Variants in CNTLN observed in about 807,000 individuals in gnomAD.
CNTLN encodes the protein centlein, centrosomal protein.
A neutral mutation model predicts 180.0 loss-of-function variants in CNTLN; 212 were observed. The observed-to-expected ratio is 1.18, with a 90% CI of 1.05 to 1.32. CNTLN has a LOEUF of 1.32. Ranked by LOEUF, CNTLN falls within the 40% of genes most tolerant of loss-of-function variation. CNTLN has a pLI of 0.00. For synonymous variants in CNTLN, 722 were observed against 563.1 expected (o/e 1.28, Z -3.99); for missense variants, 2,095 against 1,610.9 (o/e 1.30, Z -5.14).
chr9:17,248,641 GA>G (rs1825947271), intron 5 of CNTLN, among the ~76,000 whole-genome samples: 1 of 149,456 alleles, frequency 6.7e-6, no homozygotes, highest in Non-Finnish European at 1.5e-5. Context: ...AATAATAGAA[GA>G]AATGAAGGAC....
intron 13 of CNTLN, among the ~76,000 whole-genome samples, chr9:17,381,327 CT>C (rs1825237225): frequency 6.6e-6 from 1 of 152,206 alleles, no homozygotes; most frequent in Non-Finnish European, 1.5e-5. Context: ...TGGCCAGTGC[CT>C]TTCTGAGCTC....
chr9:17,451,549 A>G (rs1371827265), intron 18 of CNTLN, among the ~76,000 whole-genome samples: 2 of 152,172 alleles, frequency 1.3e-5, no homozygotes, highest in Admixed American at 1.3e-4. Context: ...GAGAAAGAAA[A>G]CTCGGAGAGT....
At chr9:17,392,693 A>G (rs1446289282) in intron 14 of CNTLN, among the ~76,000 whole-genome samples, 1 of 152,182 alleles carries the variant, frequency 6.6e-6, no homozygotes, top group Non-Finnish European at 1.5e-5. Flanking sequence ...AGAAGTGATT[A>G]AAATTAGGTG....
chr9:17,204,925 C>T (rs373759010), intron 2 of CNTLN, among the ~76,000 whole-genome samples: 1 of 152,210 alleles, frequency 6.6e-6, no homozygotes, highest in Non-Finnish European at 1.5e-5. Flanking sequence ...TGGCCACAAC[C>T]GCTTTGCTGT....
At chr9:17,477,260 T>C (rs1832403001) in intron 23 of CNTLN, among the ~76,000 whole-genome samples, 1 of 152,228 alleles carries the variant, frequency 6.6e-6, no homozygotes, top group South Asian at 2.1e-4. Flanking sequence ...TTGATGGAGA[T>C]GTACATTGAG....
chr9:17,158,781 T>C lies in CNTLN; in HGVS notation c.449+15405T>C, dbSNP rs573187770. ...TTATCATGATCAGTCTAGCTAAAGGTTTGTCAATTTTGTTGATCTTTTTGA... is the reference window on the plus strand; with the variant it reads ...TTATCATGATCAGTCTAGCTAAAGGCTTGTCAATTTTGTTGATCTTTTTGA... On this transcript the variant is annotated intron_variant, in intron 2 of 25. Coordinates refer to ENST00000380647, the MANE Select transcript of CNTLN (RefSeq NM_017738.4). Among the ~76,000 whole-genome samples, 6 of 152,164 alleles carry C rather than the reference T, an allele frequency of 3.9e-5. No individual in the cohort carries two copies. The South Asian group carries it at 1.2e-3, about 32-fold the overall frequency.
At chr9:17,264,296 AG>A (rs1827233986) in intron 5 of CNTLN, among the ~76,000 whole-genome samples, 1 of 151,094 alleles carries the variant, frequency 6.6e-6, no homozygotes. Flanking sequence ...CTTATTAAAT[AG>A]GGAATCCTTT....
chr9:17,231,821 C>T (rs369980725), intron 3 of CNTLN, among the ~76,000 whole-genome samples: 1 of 151,880 alleles, frequency 6.6e-6, no homozygotes, highest in Admixed American at 6.6e-5. Flanking sequence ...TCCCTACCCC[C>T]CACCCATTTT....
intron 2 of CNTLN, chr9:17,167,799 T>C (rs994140899): frequency 3.9e-5 from 6 of 152,212 alleles, no homozygotes; most frequent in African/African-American, 1.2e-4. Context: ...CTGTGAACCA[T>C]ACATAATAAG....
intron 13 of CNTLN, among the ~76,000 whole-genome samples, chr9:17,370,075 G>A (rs1179178347): frequency 6.6e-6 from 1 of 151,596 alleles, no homozygotes; most frequent in African/African-American, 2.4e-5. Context: ...AGCCTCAAAA[G>A]GGAAAATGTA....
chr9:17,183,813 C>T (rs1185701990), intron 2 of CNTLN, among the ~76,000 whole-genome samples: 1 of 151,932 alleles, frequency 6.6e-6, no homozygotes, highest in South Asian at 2.1e-4. Flanking sequence ...ACCTGGAGGC[C>T]TTTTCTTATC....
chr9:17,313,597 G>C (rs1411187801), intron 8 of CNTLN, among the ~76,000 whole-genome samples: 2 of 151,902 alleles, frequency 1.3e-5, no homozygotes, highest in Non-Finnish European at 2.9e-5. Flanking sequence ...ATGTTCCCAA[G>C]CTTGATTTTC....
chr9:17,498,286 G>C (rs1046203039), intron 25 of CNTLN, among the ~76,000 whole-genome samples: 2 of 152,086 alleles, frequency 1.3e-5, no homozygotes, highest in Non-Finnish European at 2.9e-5. Flanking sequence ...ATTTTTCTAA[G>C]ATAGTTCTCA....
chr9:17,436,801 C>A (rs1055418478), intron 18 of CNTLN, among the ~76,000 whole-genome samples: 6 of 152,126 alleles, frequency 3.9e-5, no homozygotes, highest in African/African-American at 1.4e-4. Flanking sequence ...AGCCTCATTT[C>A]CGTTTTTGTG....
At chr9:17,325,990 A>G (rs902074183) in intron 8 of CNTLN, among the ~76,000 whole-genome samples, 3 of 152,104 alleles carry the variant, frequency 2.0e-5, no homozygotes, top group African/African-American at 7.2e-5. Flanking sequence ...CAACATGACT[A>G]TATATTTAAG....
At chr9:17,463,123 C>T in intron 20 of CNTLN, 110 bp downstream of exon 20, 2 of 607,292 alleles carry the variant, frequency 3.3e-6, no homozygotes, top group Non-Finnish European at 5.8e-6. Context: ...TTCCCTAGTT[C>T]ATATTTAAAC....
At chr9:17,273,669 C>A in intron 5 of CNTLN, 64 bp from the exon 6 acceptor site, 1 of 789,808 alleles carries the variant, frequency 1.3e-6, no homozygotes, top group Non-Finnish European at 1.9e-6. Flanking sequence ...TTAAATATAA[C>A]AGATGTTTTG....
At chr9:17,182,830 A>G (rs923115204) in intron 2 of CNTLN, among the ~76,000 whole-genome samples, 1 of 152,192 alleles carries the variant, frequency 6.6e-6, no homozygotes, top group Admixed American at 6.5e-5. Context: ...GAGAGAAGAG[A>G]AAACTTATTT....
intron 8 of CNTLN, among the ~76,000 whole-genome samples, chr9:17,326,836 T>A (rs1820326560): frequency 6.6e-6 from 1 of 151,934 alleles, no homozygotes; most frequent in Non-Finnish European, 1.5e-5. Context: ...CAGAAAACTG[T>A]CAAGGTCATG....
Sources: allele counts gnomAD v4.1 joint callset (sites outside exome capture counted in the v4.1 genomes callset), GRCh38; gene constraint gnomAD v4.1.1; transcripts MANE v1.5; gene names NCBI Gene and HGNC (gene_info 2026-07-23, HGNC 2026-07-21).